Variants in AMT observed in about 807,000 individuals in gnomAD.
AMT encodes the protein aminomethyltransferase, mitochondrial.
In AMT, 24 loss-of-function variants were observed where a neutral mutation model predicts 39.5. The ratio of observed to expected loss-of-function variants is 0.61; its 90% CI spans 0.44 to 0.86. The LOEUF is 0.86. Ranked by LOEUF, AMT falls within the 40% of genes least tolerant of loss-of-function variation. The pLI, the probability that AMT is intolerant of heterozygous loss-of-function variation, is 0.00. For synonymous variants in AMT, 210 were observed against 212.1 expected (o/e 0.99, Z 0.09); for missense variants, 501 against 537.0 (o/e 0.93, Z 0.66).
At chr3:49,419,995 C>T (rs914402670) in intron 4 of AMT, 2 of 789,316 alleles carry the variant, frequency 2.5e-6, no homozygotes, top group African/African-American at 3.4e-5. Flanking sequence ...CCACCTCACA[C>T]CAGAGGGGCC....
chr3:49,421,238 G>A (rs1259606326), intron 3 of AMT: 1 of 514,858 alleles, frequency 1.9e-6, no homozygotes, highest in African/African-American at 1.9e-5. Flanking sequence ...GAGGGGTTAA[G>A]CAGAAGGGAT....
chr3:49,418,757 G>A (rs570453652), intron 7 of AMT: 60 of 573,766 alleles, frequency 1.0e-4, no homozygotes, highest in Non-Finnish European at 1.6e-4. Context: ...CACCCGCCTC[G>A]GCCTCCCAAA....
At chr3:49,418,057 A>G in intron 7 of AMT, 84 bp from the exon 8 acceptor site, 2 of 1,497,038 alleles carry the variant, frequency 1.3e-6, no homozygotes, top group Non-Finnish European at 1.8e-6. Context: ...CAAGTAACAC[A>G]CTATCTAGCA....
In AMT at chr3:49,417,974, C is replaced by G. The variant is rs181134220; in HGVS notation, c.878-1G>C. 6.2e-7 allele frequency: 1 copy of G among 1,607,122 alleles called. No individual in the cohort carries two copies. The highest frequency in any genetic ancestry group is 1.3e-5 in the African/African-American group (1 of 74,696). On this transcript the variant is annotated splice_acceptor_variant, in intron 7 of 8. Transcript: ENST00000273588. LOFTEE classifies it high-confidence loss of function. ...TCCATAGCAGCTCGGCGGCGCTTCCCTGGAGAATGACACATGAGACATAAG... is the reference window on the plus strand; with the variant it reads ...TCCATAGCAGCTCGGCGGCGCTTCCGTGGAGAATGACACATGAGACATAAG...
intron 3 of AMT, chr3:49,421,215 C>T: frequency 2.2e-6 from 1 of 464,992 alleles, no homozygotes; most frequent in Non-Finnish European, 4.0e-6. Flanking sequence ...CCAGGGACCA[C>T]ATGTTGAATA....
At chr3:49,419,596 T>C in intron 5 of AMT, 114 bp downstream of exon 5, 2 of 1,441,330 alleles carry the variant, frequency 1.4e-6, no homozygotes, top group African/African-American at 1.4e-5. Flanking sequence ...CTTAAAATTA[T>C]GGCACACAAA....
Position 49,417,236 on chromosome 3 carries a change from G to T in AMT, c.*304C>A. 2 of 1,574,218 alleles carry T rather than the reference G, an allele frequency of 1.3e-6. No individual in the cohort carries two copies. Among genetic ancestry groups the T allele is most frequent in the Non-Finnish European group, 1.7e-6 (2 of 1,157,626 alleles). Reference sequence around the variant, plus strand: ...TTTGCTCCACAGCCAGCACCTGGCAGAGTGGGAGAGATGGCAGAACCAAAG... The same window carrying T: ...TTTGCTCCACAGCCAGCACCTGGCATAGTGGGAGAGATGGCAGAACCAAAG... On this transcript the variant is annotated 3_prime_UTR_variant, in exon 9 of 9. Coordinates refer to ENST00000273588, the MANE Select transcript of AMT (RefSeq NM_000481.4).
rs1292700357 is a variant in AMT at position 49,418,051 on chromosome 3, T to C, written c.878-78A>G. The C allele has an allele frequency of 2.7e-6, 4 of 1,507,288 alleles. No homozygotes were observed. The Admixed American group carries it at 5.9e-5, about 22-fold the overall frequency. The allele number at this position is 1,507,288 out of a possible 1,614,324, so 93.4% of individuals were successfully genotyped here. A position where few individuals can be genotyped will look rare whatever the true frequency, so the allele number is the denominator to read the frequency against. On this transcript the variant is annotated intron_variant, in intron 7 of 8. Transcript: ENST00000273588. Reference sequence around the variant, plus strand: ...AGGAGGTCCTTATGAGGTCCTCAAGTAACACACTATCTAGCATCAAGGCCC... The same window carrying C: ...AGGAGGTCCTTATGAGGTCCTCAAGCAACACACTATCTAGCATCAAGGCCC...
In AMT at chr3:49,422,389, G is replaced by A; in HGVS notation, c.62C>T (p.Ala21Val). The A allele has an allele frequency of 6.2e-7, 1 of 1,613,902 alleles. No individual in the cohort carries two copies. Among genetic ancestry groups the A allele is most frequent in the Non-Finnish European group, 8.5e-7 (1 of 1,180,024 alleles). Residue 21 changes from alanine (A) to valine (V), a missense_variant, in exon 1 of 9, where the codon GCC (alanine) becomes GTC (valine). Transcript: ENST00000273588. ...LGFRLQAFPP[A>V]LCRPLSCAQE... is the part of the protein sequence containing the mutation. ...TGCGCAACTAAGTGGACGACACAAG[G>A]CCGGGGGGAATGCCTGCAGGCGAAA...
At position 49,420,200 on chromosome 3, in the gene AMT, A is replaced by G; in HGVS notation, c.471+11T>C. 3 of 1,612,812 alleles carry G rather than the reference A, an allele frequency of 1.9e-6. No individual in the cohort carries two copies. Among genetic ancestry groups the G allele is most frequent in the South Asian group, 1.1e-5 (1 of 91,082 alleles). ...GGAAGACAAGGTGTCTAGAACACAG[A>G]GGGGGTATACCTGCATGAGGGCCAA... On this transcript the variant is annotated intron_variant, in intron 4 of 8. Transcript: ENST00000273588.
At position 49,422,144 on chromosome 3, in the gene AMT, C is replaced by T. The variant is rs928833763; in HGVS notation, c.218G>A (p.Arg73His). The change falls in exon 2 of 9, where the codon CGC becomes CAC. Residue 73 changes from arginine to histidine, a missense_variant. Arg to His is a conservative substitution (Grantham distance 29). Coordinates refer to ENST00000273588, the MANE Select transcript of AMT (RefSeq NM_000481.4). ...DSHTDSHLHT[R>H]QHCSLFDVSH... ...CACGTCAAAGAGCGAGCAGTGCTGG[C>T]GTGTGTGCAGGTGCGAGTCAGTGTG... The T allele has an allele frequency of 1.3e-5, 21 of 1,613,716 alleles. No homozygotes were observed. Among genetic ancestry groups the T allele is most frequent in the East Asian group, 2.2e-5 (1 of 44,898 alleles).
chr3:49,419,587 T>C, intron 5 of AMT, 123 bp downstream of exon 5: 1 of 1,448,812 alleles, frequency 6.9e-7, no homozygotes, highest in East Asian at 2.3e-5. Flanking sequence ...GATACAAAAC[T>C]TAAAATTATG....
At position 49,422,197 on chromosome 3, in the gene AMT, C is replaced by G. The variant is rs1231770027; in HGVS notation, c.165G>C (p.Trp55Cys). The G allele has an allele frequency of 6.2e-7, 1 of 1,614,012 alleles. No individual in the cohort carries two copies. Among genetic ancestry groups the G allele is most frequent in the African/African-American group, 1.3e-5 (1 of 75,044 alleles). The change falls in exon 2 of 9, where the codon TGG becomes TGC. Residue 55 changes from tryptophan (W) to cysteine (C), a missense_variant. Coordinates refer to ENST00000273588, the MANE Select transcript of AMT (RefSeq NM_000481.4). ...HGGKMVAFAGWSLPVQYRDSH... is the reference protein window; with the variant it reads ...HGGKMVAFAGCSLPVQYRDSH... ...TGTCCCGGTACTGCACTGGCAGACT[C>G]CAACCCGCAAACGCCACCATTTTCC... is the stretch of plus-strand genomic sequence containing the variant.
chr3:49,421,839 T>A, intron 2 of AMT: 2 of 688,602 alleles, frequency 2.9e-6, no homozygotes, highest in Non-Finnish European at 5.2e-6. Context: ...TCCAGCCCAA[T>A]ACATGAGAGT....
At position 49,417,729 on chromosome 3, in the gene AMT, A is replaced by G. The variant is rs1009661817; in HGVS notation, c.1034-11T>C. 2 of 1,613,850 alleles carry G rather than the reference A, an allele frequency of 1.2e-6. No individual in the cohort carries two copies. Among genetic ancestry groups the G allele is most frequent in the African/African-American group, 1.3e-5 (1 of 74,914 alleles). ...CACTAGTCACAGTACCTGTCAAGCA[A>G]GCATAAGCCACGCATCAGCACCACC... On this transcript the variant is annotated splice_polypyrimidine_tract_variant and intron_variant, in intron 8 of 8. Coordinates refer to ENST00000273588, the MANE Select transcript of AMT (RefSeq NM_000481.4).
At position 49,417,371 on chromosome 3, in the gene AMT, G is replaced by C. The variant is rs2049015944; in HGVS notation, c.*169C>G. On this transcript the variant is annotated 3_prime_UTR_variant, in exon 9 of 9. Transcript: ENST00000273588. The stretch of plus-strand genomic sequence containing the variant: ...AGAAGCAGGGTCCTGAAGGAAGCTG[G>C]AATGGCATGAGTTAGGTGGGGGGAA... 6.2e-7 allele frequency: 1 copy of C among 1,600,914 alleles called. No homozygotes were observed. Among genetic ancestry groups the C allele is most frequent in the African/African-American group, 1.3e-5 (1 of 74,980 alleles).
chr3:49,418,949 C>T, intron 7 of AMT, 22 bp downstream of exon 7: 1 of 1,613,454 alleles, frequency 6.2e-7, no homozygotes, highest in Non-Finnish European at 8.5e-7. Flanking sequence ...GGACCCTATC[C>T]TTTAGTGCTG....
At position 49,417,814 on chromosome 3, in the gene AMT, C is replaced by T. The variant is rs1185248735; in HGVS notation, c.1033+4G>A. ...GGGTTTCCCAGCTTCCCTGGTCCAC[C>T]TACCAATCTTGGTACCCTCCATGTT... On this transcript the variant is annotated splice_donor_region_variant and intron_variant, in intron 8 of 8. Transcript: ENST00000273588. 6.2e-7 allele frequency: 1 copy of T among 1,614,132 alleles called. No homozygotes were observed. Among genetic ancestry groups the T allele is most frequent in the South Asian group, 1.1e-5 (1 of 91,084 alleles).
chr3:49,421,775 G>A (rs1575308486), intron 2 of AMT: 3 of 679,442 alleles, frequency 4.4e-6, no homozygotes, highest in East Asian at 2.7e-5. Context: ...GGGACTGCCA[G>A]GGAACTGGAC....
Sources: gnomAD v4.1 joint callset for allele counts on GRCh38, gnomAD v4.1.1 for gene constraint, MANE v1.5 for transcripts, NCBI Gene and HGNC (gene_info 2026-07-23, HGNC 2026-07-21) for gene names.